DPEP1: variants seen among roughly 807,000 people sequenced by gnomAD.
DPEP1 encodes the protein dipeptidase 1, also known as beta-lactamase.
In DPEP1, 50 loss-of-function variants were observed where a neutral mutation model predicts 42.3. The ratio of observed to expected loss-of-function variants is 1.18; its 90% CI spans 0.94 to 1.50. DPEP1 has a LOEUF of 1.50. Ranked by LOEUF, DPEP1 falls within the 40% of genes most tolerant of loss-of-function variation. The pLI is 0.00. For synonymous variants in DPEP1, 297 were observed against 234.0 expected, an observed-to-expected ratio of 1.27 and a Z score of -2.46; for missense variants, 663 against 553.0, an observed-to-expected ratio of 1.20 and a Z score of -1.99.
chr16:89,620,698 C>G (rs2059436773), intron 1 of DPEP1: 1 of 152,194 alleles, frequency 6.6e-6, no homozygotes, highest in Non-Finnish European at 1.5e-5. Flanking sequence ...GCCTTGTGAC[C>G]TGGGAGGCAG....
intron 1 of DPEP1, among the ~76,000 whole-genome samples, chr16:89,624,380 A>G (rs1272528396): frequency 6.6e-6 from 1 of 152,192 alleles, no homozygotes; most frequent in Non-Finnish European, 1.5e-5. Flanking sequence ...CTGGACCGTA[A>G]TAGTCCATGT....
rs147064751 is a variant in DPEP1, at chr16:89,626,889, G to A, written c.-106-3416G>A. On this transcript the variant is annotated intron_variant, in intron 1 of 10. Transcript: ENST00000690203. ...TCCCAACAGCTTGGGAGGCCGAGGCGGGTGGATCACTTGGGGTCAGGAGTT... is the reference window on the plus strand; with the variant it reads ...TCCCAACAGCTTGGGAGGCCGAGGCAGGTGGATCACTTGGGGTCAGGAGTT... Among the ~76,000 whole-genome samples the A allele has an allele frequency of 7.9e-5, 12 of 151,976 alleles. 1 individual carries two copies. The South Asian group carries it at 1.9e-3, about 24-fold the overall frequency.
Position 89,637,670 on chromosome 16 carries a change from G to C in DPEP1, c.892G>C (p.Ala298Pro). The C allele has an allele frequency of 6.2e-7, 1 of 1,613,084 alleles. No homozygotes were observed. Among genetic ancestry groups the C allele is most frequent in the Non-Finnish European group, 8.5e-7 (1 of 1,180,002 alleles). ...DHIKEVAGARAVGFGGDFDGV... is the reference protein window; with the variant it reads ...DHIKEVAGARPVGFGGDFDGV... Reference sequence around the variant, plus strand: ...CATCAAGGAGGTGGCAGGAGCCAGAGCCGTGGGTTTTGGTGGGGACTTTGA... The same window carrying C: ...CATCAAGGAGGTGGCAGGAGCCAGACCCGTGGGTTTTGGTGGGGACTTTGA... Residue 298 changes from alanine to proline, a missense_variant, in exon 9 of 11, where the codon GCC (alanine) becomes CCC (proline). Physicochemically the swap from Ala to Pro is conservative, Grantham distance 27 (BLOSUM62 -1). Coordinates refer to ENST00000690203, the MANE Select transcript of DPEP1 (RefSeq NM_001389466.1).
rs754043437 is a variant in DPEP1, at chr16:89,635,903, T to G, written c.105-5T>G. 1 of 1,594,786 alleles carries G rather than the reference T, an allele frequency of 6.3e-7. No individual in the cohort carries two copies. Among genetic ancestry groups the G allele is most frequent in the Non-Finnish European group, 8.5e-7 (1 of 1,170,588 alleles). ...ACTGCCTGGCCTCTCCCCGGCAAAC[T>G]CCAGGCACAATGACCTCCCCTGGCA... On this transcript the variant is annotated splice_region_variant and splice_polypyrimidine_tract_variant and intron_variant, in intron 2 of 10. Coordinates refer to ENST00000690203, the MANE Select transcript of DPEP1 (RefSeq NM_001389466.1).
chr16:89,633,559 C>T (rs548506531), intron 2 of DPEP1, among the ~76,000 whole-genome samples: 4 of 152,158 alleles, frequency 2.6e-5, no homozygotes, highest in Admixed American at 2.6e-4. Flanking sequence ...AAGCAGAGCC[C>T]GCAGCTGGAA....
At position 89,635,967 on chromosome 16, in the gene DPEP1, G is replaced by C. The variant is rs752018188; in HGVS notation, c.164G>C (p.Arg55Thr). Residue 55 changes from arginine to threonine, a missense_variant, in exon 3 of 11, where the codon AGG (arginine) becomes ACG (threonine). By Grantham distance (71) the Arg-to-Thr change is moderately conservative. Coordinates refer to ENST00000690203, the MANE Select transcript of DPEP1 (RefSeq NM_001389466.1). ...DMFNNRLQDERANLTTLAGTH... is the reference protein window; with the variant it reads ...DMFNNRLQDETANLTTLAGTH... ...TTCAACAACCGGCTGCAGGACGAGA[G>C]GGCCAACCTGACCACCTTGGCCGGC... The C allele has an allele frequency of 1.4e-5, 23 of 1,612,164 alleles. No homozygotes were observed. The Admixed American group carries it at 3.7e-4, about 26-fold the overall frequency.
chr16:89,636,631 T>C lies in DPEP1; in HGVS notation c.469T>C (p.Tyr157His), dbSNP rs747736651. 5 of 1,612,606 alleles carry C rather than the reference T, an allele frequency of 3.1e-6. No individual in the cohort carries two copies. The East Asian group carries it at 1.1e-4, about 36-fold the overall frequency. The change falls in exon 5 of 11, where the codon TAT (tyrosine) becomes CAT (histidine). Residue 157 changes from tyrosine (Y) to histidine (H), a missense_variant. Physicochemically the swap from Tyr to His is moderately conservative, Grantham distance 83. Transcript: ENST00000690203. ...DSSLGVLRAL[Y>H]QLGMRYLTLT... ...CAGTTTGGGCGTCCTGCGGGCACTC[T>C]ATCAGCTGGGCATGCGGTACCTGAC...
intron 1 of DPEP1, among the ~76,000 whole-genome samples, chr16:89,622,185 C>G (rs2059453934): frequency 6.6e-6 from 1 of 152,178 alleles, no homozygotes; most frequent in African/African-American, 2.4e-5. Flanking sequence ...GAGGGGTCTC[C>G]TAGCAACGCT....
At chr16:89,616,337 G>T (rs1027982403) in intron 1 of DPEP1, among the ~76,000 whole-genome samples, 1 of 152,160 alleles carries the variant, frequency 6.6e-6, no homozygotes, top group African/African-American at 2.4e-5. Context: ...GGGGCTGACC[G>T]GGCACAGTTT....
intron 2 of DPEP1, among the ~76,000 whole-genome samples, chr16:89,631,725 C>CGG (rs1555631441): frequency 1.3e-4 from 20 of 152,218 alleles, no homozygotes; most frequent in Non-Finnish European, 7.4e-5. Flanking sequence ...GGCATGGTGG[C>CGG]GCATGCCTGT....
intron 6 of DPEP1, 129 bp from the exon 7 acceptor site, chr16:89,637,075 G>C: frequency 6.6e-7 from 1 of 1,524,612 alleles, no homozygotes; most frequent in Non-Finnish European, 8.8e-7. Flanking sequence ...CCCCAGGGTG[G>C]GTGCTGAGCC....
At chr16:89,631,333 C>G (rs2059585418) in intron 2 of DPEP1, among the ~76,000 whole-genome samples, 1 of 152,184 alleles carries the variant, frequency 6.6e-6, no homozygotes, top group African/African-American at 2.4e-5. Context: ...GACCCTCTTC[C>G]CCGCCCCTTC....
intron 1 of DPEP1, among the ~76,000 whole-genome samples, chr16:89,618,048 A>G (rs1043924596): frequency 6.6e-6 from 1 of 152,276 alleles, no homozygotes; most frequent in Middle Eastern, 3.4e-3. Context: ...AATAAAAATA[A>G]AAAATCATCA....
chr16:89,614,410 C>A (rs1276094383), intron 1 of DPEP1, among the ~76,000 whole-genome samples: 1 of 152,178 alleles, frequency 6.6e-6, no homozygotes, highest in Non-Finnish European at 1.5e-5. Context: ...GAATTCTCTG[C>A]GCAGTCATCT....
At chr16:89,634,603 TC>T (rs2059638115) in intron 2 of DPEP1, among the ~76,000 whole-genome samples, 1 of 96,216 alleles carries the variant, frequency 1.0e-5, no homozygotes, top group Non-Finnish European at 2.2e-5. Flanking sequence ...TTCCCTTCCT[TC>T]TCCTTTCCCC....
intron 1 of DPEP1, among the ~76,000 whole-genome samples, chr16:89,627,900 C>G (rs1368999533): frequency 1.3e-5 from 2 of 151,538 alleles, no homozygotes; most frequent in Non-Finnish European, 2.9e-5. Context: ...CCTCGTGATC[C>G]TCCTGCCTTG....
In DPEP1 at chr16:89,634,094, T is replaced by C. The variant is rs1156534641; in HGVS notation, c.105-1814T>C. On this transcript the variant is annotated intron_variant, in intron 2 of 10. Coordinates refer to ENST00000690203, the MANE Select transcript of DPEP1 (RefSeq NM_001389466.1). ...TTTTCTTTTCTCTTCTCTTCTTCTT[T>C]TTTTTTTTTTTTTGGAGGGAGTCTC... is the stretch of plus-strand genomic sequence containing the variant. Among the ~76,000 whole-genome samples, 13 of 140,942 alleles carry C rather than the reference T, an allele frequency of 9.2e-5. No individual in the cohort carries two copies. In the South Asian group the frequency reaches 2.4e-3, roughly 26 times the overall value. The allele number at this position is 140,942 out of a possible 152,430, so 92.5% of individuals were successfully genotyped here.
downstream of DPEP1, chr16:89,640,661 G>A (rs558156058): frequency 4.3e-5 from 42 of 981,204 alleles, no homozygotes; most frequent in East Asian, 2.9e-3. Context: ...CCAGCCTGGC[G>A]TTTTCCGTCT....
In DPEP1 at chr16:89,636,260, A is replaced by C. The variant is rs13338827; in HGVS notation, c.238-4A>C. 2,560 of 1,606,414 alleles carry C rather than the reference A, an allele frequency of 1.6e-3. 46 individuals carry two copies. The African/African-American group carries it at 0.031, about 20-fold the overall frequency. On this transcript the variant is annotated splice_region_variant and splice_polypyrimidine_tract_variant and intron_variant, in intron 3 of 10. Coordinates refer to ENST00000690203, the MANE Select transcript of DPEP1 (RefSeq NM_001389466.1). ...CAGCTCCTGGCACCCCCTGCGGCCC[A>C]CAGTTCTGGTCCGTGTACACGCCCT...
Sources: allele counts gnomAD v4.1 joint callset (sites outside exome capture counted in the v4.1 genomes callset), GRCh38; gene constraint gnomAD v4.1.1; transcripts MANE v1.5; gene names NCBI Gene and HGNC (gene_info 2026-07-23, HGNC 2026-07-21).